The following CNBD1 variants were observed in gnomAD, a reference collection of about 807,000 sequenced individuals.
CNBD1 encodes the protein cyclic nucleotide-binding domain-containing protein 1.
A neutral mutation model predicts 54.4 loss-of-function variants in CNBD1; 71 were observed. That is an observed-to-expected ratio of 1.30 (90% confidence interval 1.08 to 1.59). CNBD1 has a LOEUF of 1.59. CNBD1 is among the 40% of genes most tolerant of loss of function. The pLI, the probability that CNBD1 is intolerant of heterozygous loss-of-function variation, is 0.00. For synonymous variants in CNBD1, 182 were observed against 170.7 expected, an observed-to-expected ratio of 1.07 and a Z score of -0.51; for missense variants, 659 against 518.0, an observed-to-expected ratio of 1.27 and a Z score of -2.64.
chr8:87,257,433 A>G (rs764570528), intron 6 of CNBD1, among the ~76,000 whole-genome samples: 2 of 150,262 alleles, frequency 1.3e-5, no homozygotes, highest in African/African-American at 2.5e-5. Context: ...TATGTGGCCA[A>G]TCAGGTAGCC....
At chr8:87,324,638 T>A (rs2130903407) in intron 8 of CNBD1, among the ~76,000 whole-genome samples, 1 of 151,734 alleles carries the variant, frequency 6.6e-6, no homozygotes, top group African/African-American at 2.4e-5. Context: ...TTCTGTGGGA[T>A]CAGTGGTGAT....
intron 4 of CNBD1, among the ~76,000 whole-genome samples, chr8:86,992,481 T>C (rs1002208643): frequency 1.3e-5 from 2 of 152,278 alleles, no homozygotes; most frequent in South Asian, 4.1e-4. Context: ...AGAGTTAGTA[T>C]TGATATACGA....
chr8:86,968,736 G>C (rs1283975869), intron 4 of CNBD1, among the ~76,000 whole-genome samples: 1 of 152,176 alleles, frequency 6.6e-6, no homozygotes, highest in African/African-American at 2.4e-5. Context: ...CCTGTGAGAG[G>C]GTGGTAGAGG....
chr8:87,013,686 G>A (rs558705224), intron 4 of CNBD1, among the ~76,000 whole-genome samples: 34 of 149,354 alleles, frequency 2.3e-4, no homozygotes, highest in South Asian at 6.3e-4. Context: ...CATGGCTAAA[G>A]TACTAAAGTA....
intron 4 of CNBD1, among the ~76,000 whole-genome samples, chr8:87,164,140 A>G (rs375502324): frequency 4.6e-5 from 7 of 152,056 alleles, no homozygotes; most frequent in African/African-American, 1.7e-4. Flanking sequence ...CCTCAGGGAT[A>G]AATCCCACTT....
chr8:87,043,829 G>C (rs1810124711), intron 4 of CNBD1, among the ~76,000 whole-genome samples: 1 of 152,186 alleles, frequency 6.6e-6, no homozygotes, highest in Non-Finnish European at 1.5e-5. Flanking sequence ...CGTAGCAACA[G>C]CAAGAAATCT....
chr8:87,326,512 C>G lies in CNBD1; in HGVS notation c.1043-25173C>G, dbSNP rs1477082356. Among the ~76,000 whole-genome samples the G allele has an allele frequency of 5.9e-5, 7 of 119,326 alleles. 1 individual carries two copies. The South Asian group carries it at 1.7e-3, about 30-fold the overall frequency. 78.3% of individuals were successfully genotyped at this position (119,326 alleles called of 152,430 possible). A position where few individuals can be genotyped will look rare whatever the true frequency, so the allele number is the denominator to read the frequency against. On this transcript the variant is annotated intron_variant, in intron 8 of 10. Coordinates refer to ENST00000518476, the MANE Select transcript of CNBD1 (RefSeq NM_173538.3). ...GAGGCTTTGCTCATTTCTTTTTATT[C>G]TTTTTTCTCTAACCTTCCCTTCTCG...
intron 10 of CNBD1, among the ~76,000 whole-genome samples, chr8:87,361,444 C>T (rs1203304312): frequency 6.6e-6 from 1 of 151,524 alleles, no homozygotes; most frequent in East Asian, 1.9e-4. Context: ...AAATGTCTTA[C>T]AAGGCTATGT....
intron 8 of CNBD1, among the ~76,000 whole-genome samples, chr8:87,330,658 T>TG (rs1809804520): frequency 6.6e-6 from 1 of 152,154 alleles, no homozygotes. Context: ...AGAAATTGTA[T>TG]GATTTCTTTT....
chr8:86,928,279 AC>A (rs1262745841), intron 3 of CNBD1, among the ~76,000 whole-genome samples: 1 of 152,120 alleles, frequency 6.6e-6, no homozygotes, highest in Admixed American at 6.6e-5. Flanking sequence ...ATATGGACTT[AC>A]CCCCATTTTG....
chr8:87,051,897 A>AGTC (rs2130624775), intron 4 of CNBD1, among the ~76,000 whole-genome samples: 1 of 152,328 alleles, frequency 6.6e-6, no homozygotes, highest in South Asian at 2.1e-4. Flanking sequence ...AACAGATCTA[A>AGTC]GTCCCAGGAT....
At chr8:87,111,802 A>G (rs1477563495) in intron 4 of CNBD1, among the ~76,000 whole-genome samples, 1 of 150,516 alleles carries the variant, frequency 6.6e-6, no homozygotes, top group Non-Finnish European at 1.5e-5. Flanking sequence ...CGCCCCCTGC[A>G]TCCTGCCATT....
chr8:87,270,720 G>A (rs1313596339), intron 6 of CNBD1, among the ~76,000 whole-genome samples: 3 of 151,448 alleles, frequency 2.0e-5, no homozygotes, highest in Non-Finnish European at 1.5e-5. Context: ...TATTTTTTTG[G>A]CTGTGTCCTA....
At chr8:87,294,050 G>C (rs1206561424) in intron 8 of CNBD1, among the ~76,000 whole-genome samples, 1 of 152,044 alleles carries the variant, frequency 6.6e-6, no homozygotes, top group African/African-American at 2.4e-5. Context: ...TAACAGAAGA[G>C]ACCTGAAAAA....
At chr8:86,950,537 T>G (rs1807591496) in intron 4 of CNBD1, among the ~76,000 whole-genome samples, 1 of 152,204 alleles carries the variant, frequency 6.6e-6, no homozygotes, top group South Asian at 2.1e-4. Flanking sequence ...ATTGTTGTGT[T>G]TAGTTTGCTA....
At chr8:87,137,450 C>T (rs1009708714) in intron 4 of CNBD1, among the ~76,000 whole-genome samples, 4 of 151,824 alleles carry the variant, frequency 2.6e-5, no homozygotes, top group African/African-American at 9.7e-5. Flanking sequence ...GATCCGCCCG[C>T]CTCAGCCTCC....
chr8:87,369,730 T>A (rs1203185137), intron 10 of CNBD1, among the ~76,000 whole-genome samples: 1 of 152,014 alleles, frequency 6.6e-6, no homozygotes, highest in Non-Finnish European at 1.5e-5. Flanking sequence ...GCTTTCTTTT[T>A]TTTTTATTAT....
chr8:87,183,971 A>C (rs139936767), intron 4 of CNBD1, among the ~76,000 whole-genome samples: 1 of 152,310 alleles, frequency 6.6e-6, no homozygotes, highest in Non-Finnish European at 1.5e-5. Context: ...CCAGCAAAGC[A>C]CTGCAGTAGA....
chr8:87,219,255 A>G (rs1814274511), intron 5 of CNBD1, among the ~76,000 whole-genome samples: 1 of 152,042 alleles, frequency 6.6e-6, no homozygotes, highest in Non-Finnish European at 1.5e-5. Context: ...CAAATCTTGG[A>G]AGAATAACTT....
Sources: allele counts gnomAD v4.1 joint callset (sites outside exome capture counted in the v4.1 genomes callset), GRCh38; gene constraint gnomAD v4.1.1; transcripts MANE v1.5; gene names NCBI Gene and HGNC (gene_info 2026-07-23, HGNC 2026-07-21).